Variants in AKAP19 observed in about 807,000 individuals in gnomAD.
The protein encoded by AKAP19 is A-kinase anchoring protein 19.
the AKAP19 span, among the ~76,000 whole-genome samples, chr2:190,124,545 A>G: frequency 1.4e-4 from 22 of 152,274 alleles, no homozygotes; most frequent in East Asian, 4.2e-3. Context: ...CCCTATCTCT[A>G]CAAAAAATAA....
At chr2:189,965,362 A>G in the AKAP19 span, among the ~76,000 whole-genome samples, 1 of 152,218 alleles carries the variant, frequency 6.6e-6, no homozygotes, top group African/African-American at 2.4e-5. Flanking sequence ...GAGAATTACT[A>G]AAATGTGATG....
At chr2:190,171,343 T>C in the AKAP19 span, among the ~76,000 whole-genome samples, 1 of 152,184 alleles carries the variant, frequency 6.6e-6, no homozygotes, top group African/African-American at 2.4e-5. Flanking sequence ...CACTAGTAGC[T>C]AATTCCCACC....
chr2:189,891,364 C>G, the AKAP19 span, among the ~76,000 whole-genome samples: 1 of 151,132 alleles, frequency 6.6e-6, no homozygotes, highest in Non-Finnish European at 1.5e-5. Flanking sequence ...GCTGGGACTA[C>G]AGCCCCATGC....
the AKAP19 span, among the ~76,000 whole-genome samples, chr2:190,139,983 A>G: frequency 3.9e-5 from 6 of 152,180 alleles, no homozygotes; most frequent in East Asian, 9.6e-4. Context: ...CCTAGATACT[A>G]TGGGGGTACA....
chr2:190,162,990 T>C, the AKAP19 span, among the ~76,000 whole-genome samples: 1 of 152,246 alleles, frequency 6.6e-6, no homozygotes. Flanking sequence ...GAGTGCATTA[T>C]ATTAAATATG....
chr2:190,009,467 A>T, the AKAP19 span, among the ~76,000 whole-genome samples: 1 of 152,130 alleles, frequency 6.6e-6, no homozygotes, highest in African/African-American at 2.4e-5. Flanking sequence ...GTAGGAGAGG[A>T]CTCAGGAATA....
At chr2:189,942,656 CA>C in the AKAP19 span, among the ~76,000 whole-genome samples, 1 of 152,146 alleles carries the variant, frequency 6.6e-6, no homozygotes, top group Non-Finnish European at 1.5e-5. Flanking sequence ...TTTTTGTCAC[CA>C]AAATTCTGAA....
the AKAP19 span, among the ~76,000 whole-genome samples, chr2:190,118,764 C>T: frequency 6.6e-6 from 1 of 152,158 alleles, no homozygotes; most frequent in South Asian, 2.1e-4. Context: ...CAATATCATA[C>T]TGAATGGGCA....
the AKAP19 span, among the ~76,000 whole-genome samples, chr2:189,935,646 C>A: frequency 1.3e-5 from 2 of 152,010 alleles, no homozygotes; most frequent in Admixed American, 6.6e-5. Context: ...CTGCTTGTAG[C>A]AAATTTAGTT....
the AKAP19 span, among the ~76,000 whole-genome samples, chr2:190,125,664 A>T: frequency 6.6e-6 from 1 of 152,174 alleles, no homozygotes; most frequent in Non-Finnish European, 1.5e-5. Context: ...TCTGTCACAT[A>T]AAGATCATGA....
the AKAP19 span, among the ~76,000 whole-genome samples, chr2:189,892,642 G>C: frequency 2.0e-5 from 3 of 152,316 alleles, no homozygotes; most frequent in East Asian, 5.8e-4. Context: ...TTGACAGCCA[G>C]AGCTCTCCTG....
the AKAP19 span, among the ~76,000 whole-genome samples, chr2:190,016,965 A>T: frequency 1.3e-5 from 2 of 152,114 alleles, no homozygotes; most frequent in Non-Finnish European, 2.9e-5. Context: ...AGGTACTCTG[A>T]TGTTGAGTAC....
At chr2:189,956,476 A>G in the AKAP19 span, among the ~76,000 whole-genome samples, 1 of 152,170 alleles carries the variant, frequency 6.6e-6, no homozygotes, top group African/African-American at 2.4e-5. Flanking sequence ...GCCTACTAGT[A>G]TATTTTCAAG....
the AKAP19 span, among the ~76,000 whole-genome samples, chr2:189,932,200 G>T: frequency 3.3e-5 from 5 of 152,120 alleles, no homozygotes; most frequent in South Asian, 1.0e-3. Flanking sequence ...GTGAGGTCAG[G>T]AGTTCGAGAC....
chr2:190,002,039 G>C, the AKAP19 span, among the ~76,000 whole-genome samples: 38 of 152,122 alleles, frequency 2.5e-4, no homozygotes, highest in African/African-American at 8.4e-4. Context: ...GCAGAGAATC[G>C]CTGCCATTTC....
At chr2:190,178,606 T>C in the AKAP19 span, among the ~76,000 whole-genome samples, 1 of 152,148 alleles carries the variant, frequency 6.6e-6, no homozygotes, top group Non-Finnish European at 1.5e-5. The surrounding 1 kb of genome is among the most constrained non-coding windows in gnomAD (Gnocchi z 6.3). Context: ...TGGCCAGCCC[T>C]ATGATGGCGA....
chr2:190,100,206 T>C, the AKAP19 span, among the ~76,000 whole-genome samples: 1 of 152,110 alleles, frequency 6.6e-6, no homozygotes, highest in Non-Finnish European at 1.5e-5. Flanking sequence ...GAAGGTTTAT[T>C]AGTATCCCAG....
chr2:190,061,359 G>A, the AKAP19 span, among the ~76,000 whole-genome samples: 1 of 151,922 alleles, frequency 6.6e-6, no homozygotes, highest in Non-Finnish European at 1.5e-5. Flanking sequence ...GTATTCTTTT[G>A]AGCTGACTGC....
the AKAP19 span, among the ~76,000 whole-genome samples, chr2:190,182,288 C>G: frequency 6.6e-6 from 1 of 152,196 alleles, no homozygotes; most frequent in Admixed American, 6.5e-5. Context: ...AGCGCTCCAA[C>G]TGTGAACTTA....
Sources: gnomAD v4.1 joint callset for allele counts (sites outside exome capture counted in the v4.1 genomes callset) on GRCh38, gnomAD v4.1.1 for gene constraint, Gnocchi (gnomAD v3.1) non-coding constraint, MANE v1.5 for transcripts, NCBI Gene and HGNC (gene_info 2026-07-23, HGNC 2026-07-21) for gene names.